Variants in RNPEP observed in about 807,000 individuals in gnomAD.
RNPEP encodes the protein arginyl aminopeptidase.
Under a neutral mutation model 70.1 loss-of-function variants are expected in RNPEP, and 57 were observed. That is an observed-to-expected ratio of 0.81 (90% CI 0.66 to 1.01). The LOEUF (loss-of-function observed/expected upper bound fraction) is 1.01, where lower values mean the gene tolerates loss of function less well. Ranked by LOEUF, RNPEP falls within the 50% of genes least tolerant of loss-of-function variation. The pLI is 0.00. For synonymous variants in RNPEP, 335 were observed against 357.4 expected (o/e 0.94, Z 0.71); for missense variants, 787 against 852.4 (o/e 0.92, Z 0.96).
At chr1:201,993,818 A>G (rs1683438076) in intron 3 of RNPEP, among the ~76,000 whole-genome samples, 1 of 151,920 alleles carries the variant, frequency 6.6e-6, no homozygotes. Context: ...TTAACTCCAT[A>G]TTCTCTTCTG....
chr1:202,006,110 C>A lies in RNPEP; in HGVS notation c.*394C>A. On this transcript the variant is annotated 3_prime_UTR_variant, in exon 11 of 11. Transcript: ENST00000295640. ...TGATTGTTCTTTTTTCAGGTTTAAT[C>A]CTTATTTTAATAAAGTTTTCAAGCA... 5.7e-6 allele frequency: 1 copy of A among 174,732 alleles called. No homozygotes were observed. Among genetic ancestry groups the A allele is most frequent in the Non-Finnish European group, 1.2e-5 (1 of 80,400 alleles). 10.8% of individuals were successfully genotyped at this position (174,732 alleles called of 1,614,324 possible). A position where few individuals can be genotyped will look rare whatever the true frequency, so the allele number is the denominator to read the frequency against.
At chr1:201,996,876 C>A (rs1363192431) in intron 4 of RNPEP, among the ~76,000 whole-genome samples, 2 of 152,040 alleles carry the variant, frequency 1.3e-5, no homozygotes, top group Non-Finnish European at 2.9e-5. Flanking sequence ...CCTTTGTTGA[C>A]CTGTGTTTTC....
intron 3 of RNPEP, among the ~76,000 whole-genome samples, chr1:201,991,108 G>A (rs900196988): frequency 6.6e-6 from 1 of 151,938 alleles, no homozygotes; most frequent in Non-Finnish European, 1.5e-5. Context: ...AGGGTCTTGT[G>A]GGGGGTTATT....
intron 1 of RNPEP, among the ~76,000 whole-genome samples, chr1:201,985,744 T>C (rs1683110891): frequency 6.6e-6 from 1 of 152,218 alleles, no homozygotes; most frequent in Non-Finnish European, 1.5e-5. Flanking sequence ...ATATTTGTTA[T>C]AATTAATAAA....
rs1682992748 is a variant in RNPEP at position 201,982,966 on chromosome 1, G to A, written c.300G>A (p.Ser100=). ...AAALRRERPG[S]EEPPAEPVSF... ...CGCTGCGGCGGGAGCGGCCCGGCTC[G>A]GAGGAGCCGCCTGCGGAGCCCGTGA... Residue 100 remains serine, a synonymous_variant, in exon 1 of 11, where the codon TCG becomes TCA. Coordinates refer to ENST00000295640, the MANE Select transcript of RNPEP (RefSeq NM_020216.4). 1.0e-5 allele frequency: 15 copies of A among 1,503,388 alleles called. No individual in the cohort carries two copies. The highest frequency in any genetic ancestry group is 1.3e-5 in the Non-Finnish European group (15 of 1,129,194). The allele number at this position is 1,503,388 out of a possible 1,614,324, so 93.1% of individuals were successfully genotyped here. A position where few individuals can be genotyped will look rare whatever the true frequency, so the allele number is the denominator to read the frequency against.
chr1:201,986,053 T>C (rs956657413), intron 1 of RNPEP, among the ~76,000 whole-genome samples: 2 of 152,148 alleles, frequency 1.3e-5, no homozygotes. Flanking sequence ...TCAGCCCAAG[T>C]AGCTGGGACT....
chr1:201,989,415 T>C lies in RNPEP; in HGVS notation c.621T>C (p.Ala207=). The change falls in exon 3 of 11, where the codon GCT becomes GCC. Residue 207 remains alanine (A), a synonymous_variant. Transcript: ENST00000295640. ...VPDGFTAVMS[A]STWEKRGPNK... ...ATGGCTTCACAGCTGTGATGAGTGCTAGCACCTGGGAGAAGAGAGGTCCAA... is the reference window on the plus strand; with the variant it reads ...ATGGCTTCACAGCTGTGATGAGTGCCAGCACCTGGGAGAAGAGAGGTCCAA... 2 of 1,614,238 alleles carry C rather than the reference T, an allele frequency of 1.2e-6. No homozygotes were observed. Among genetic ancestry groups the C allele is most frequent in the Non-Finnish European group, 1.7e-6 (2 of 1,180,046 alleles).
rs879036226 is a variant in RNPEP, at chr1:202,004,352, A to G, written c.1652-2A>G. ...CACAAACCATTTCTTTCTCTTCTCCAGGGAATGTGAAAAAACTTGGAGACA... is the reference window on the plus strand; with the variant it reads ...CACAAACCATTTCTTTCTCTTCTCCGGGGAATGTGAAAAAACTTGGAGACA... On this transcript the variant is annotated splice_acceptor_variant, in intron 9 of 10. Transcript: ENST00000295640. LOFTEE classifies it high-confidence loss of function. 2 of 1,614,050 alleles carry G rather than the reference A, an allele frequency of 1.2e-6. No individual in the cohort carries two copies. The highest frequency in any genetic ancestry group is 1.7e-6 in the Non-Finnish European group (2 of 1,179,994).
At chr1:202,000,143 C>T in intron 6 of RNPEP, 128 bp downstream of exon 6, 2 of 673,716 alleles carry the variant, frequency 3.0e-6, no homozygotes, top group Non-Finnish European at 5.0e-6. Context: ...CACTCCAGAG[C>T]TCTTTGTAGC....
At position 202,005,609 on chromosome 1, in the gene RNPEP, G is replaced by A; in HGVS notation, c.1846G>A (p.Glu616Lys). The part of the protein sequence containing the change: ...PLYHAMMGGS[E>K]VAQTLAKETF... ...GTACCACGCAATGATGGGTGGCAGT[G>A]AGGTGGCCCAGACCCTCGCCAAGGA... The change falls in exon 11 of 11, where the codon GAG becomes AAG. Residue 616 changes from glutamate (E) to lysine (K), a missense_variant. Transcript: ENST00000295640. The A allele has an allele frequency of 6.2e-7, 1 of 1,614,202 alleles. No homozygotes were observed. Among genetic ancestry groups the A allele is most frequent in the Non-Finnish European group, 8.5e-7 (1 of 1,180,034 alleles).
chr1:201,989,470 A>T lies in RNPEP; in HGVS notation c.676A>T (p.Ile226Phe). 1 of 1,614,230 alleles carries T rather than the reference A, an allele frequency of 6.2e-7. No individual in the cohort carries two copies. The highest frequency in any genetic ancestry group is 1.3e-5 in the African/African-American group (1 of 75,068). The stretch of plus-strand genomic sequence containing the variant: ...GTTCTTCTTCCAGATGTGTCAGCCC[A>T]TCCCCTCCTATCTGATAGCTTTGGC... The part of the protein sequence containing the change: ...NKFFFQMCQP[I>F]PSYLIALAIG... The change falls in exon 3 of 11, where the codon ATC becomes TTC. Residue 226 changes from isoleucine (I) to phenylalanine (F), a missense_variant. Transcript: ENST00000295640.
At chr1:202,000,966 A>G (rs575511127) in intron 6 of RNPEP, 1 of 177,758 alleles carries the variant, frequency 5.6e-6, no homozygotes, top group Non-Finnish European at 1.2e-5. Context: ...TAGGGATGGA[A>G]AAGACACAGC....
intron 4 of RNPEP, chr1:201,996,485 G>T: frequency 2.6e-6 from 1 of 378,870 alleles, no homozygotes. Flanking sequence ...GTGTGTGTGT[G>T]TGTGTGTGTG....
At chr1:201,998,128 C>T (rs1419624738) in intron 5 of RNPEP, among the ~76,000 whole-genome samples, 1 of 151,934 alleles carries the variant, frequency 6.6e-6, no homozygotes, top group African/African-American at 2.4e-5. Flanking sequence ...TTCCAATTTT[C>T]CATTGAAATA....
chr1:202,001,768 G>A lies in RNPEP; in HGVS notation c.1426+1G>A, dbSNP rs756532435. ...AAAAAGAGAGTGGATATCATTCCAG[G>A]TAAGCAGAGGAACTGGCCCACAGGC... On this transcript the variant is annotated splice_donor_variant, in intron 8 of 10. Coordinates refer to ENST00000295640, the MANE Select transcript of RNPEP (RefSeq NM_020216.4). LOFTEE classifies it high-confidence loss of function. The A allele has an allele frequency of 1.3e-6, 2 of 1,540,154 alleles. No homozygotes were observed. Among genetic ancestry groups the A allele is most frequent in the Non-Finnish European group, 9.0e-7 (1 of 1,112,704 alleles).
At chr1:201,983,358 T>C (rs998261087) in intron 1 of RNPEP, 12 of 1,497,350 alleles carry the variant, frequency 8.0e-6, no homozygotes, top group Admixed American at 2.2e-5. Context: ...CTTCACCCTT[T>C]CCGTCCTTCC....
intron 1 of RNPEP, chr1:201,983,318 G>T (rs1249016769): frequency 9.1e-7 from 1 of 1,101,874 alleles, no homozygotes. Context: ...GTTTCCTTCT[G>T]GACTTCCTCC....
At chr1:201,993,464 G>T (rs563725516) in intron 3 of RNPEP, among the ~76,000 whole-genome samples, 1 of 152,222 alleles carries the variant, frequency 6.6e-6, no homozygotes, top group South Asian at 2.1e-4. Flanking sequence ...GGACATGGTG[G>T]TGCACACCTA....
Position 202,005,914 on chromosome 1 carries a change from G to A in RNPEP, c.*198G>A, listed in dbSNP as rs376384803. 1.7e-4 allele frequency: 108 copies of A among 628,534 alleles called. 1 individual carries two copies. In the East Asian group the frequency reaches 1.9e-3, roughly 11 times the overall value. 38.9% of individuals were successfully genotyped at this position (628,534 alleles called of 1,614,324 possible). A position where few individuals can be genotyped will look rare whatever the true frequency, so the allele number is the denominator to read the frequency against. On this transcript the variant is annotated 3_prime_UTR_variant, in exon 11 of 11. Coordinates refer to ENST00000295640, the MANE Select transcript of RNPEP (RefSeq NM_020216.4). ...ACTTCTCTATAGCCCACTGAGCCCC[G>A]AGACAGAGAACCTGCCCACAGCTCT...
Sources: allele counts gnomAD v4.1 joint callset (sites outside exome capture counted in the v4.1 genomes callset), GRCh38; gene constraint gnomAD v4.1.1; transcripts MANE v1.5; gene names NCBI Gene and HGNC (gene_info 2026-07-23, HGNC 2026-07-21).